The following LRBA variants were observed in gnomAD, a reference collection of about 807,000 sequenced individuals.
The protein encoded by LRBA is lipopolysaccharide-responsive and beige-like anchor protein.
In LRBA, 176 loss-of-function variants were observed where a neutral mutation model predicts 330.0. That is an observed-to-expected ratio of 0.53 (90% CI 0.47 to 0.60). The LOEUF is 0.60. Ranked by LOEUF, LRBA falls within the 20% of genes least tolerant of loss-of-function variation. The pLI is 0.00. For missense variants in LRBA, 3,259 were observed against 3,444.8 expected (o/e 0.95, Z 1.35); for synonymous variants, 1,230 against 1,193.0 (o/e 1.03, Z -0.64).
At chr4:150,671,602 C>G (rs573458916) in intron 37 of LRBA, among the ~76,000 whole-genome samples, 1 of 152,166 alleles carries the variant, frequency 6.6e-6, no homozygotes, top group African/African-American at 2.4e-5. Context: ...AAAGTACATA[C>G]AATTTCTCAT....
chr4:150,929,073 G>GC lies in LRBA; in HGVS notation c.217-9_217-8insG. On this transcript the variant is annotated splice_polypyrimidine_tract_variant and intron_variant, in intron 2 of 56. Coordinates refer to ENST00000651943, the MANE Select transcript of LRBA (RefSeq NM_001364905.1). ...AAACTGTCCTCCTACCAACTTACAA[G>GC]GAAAAAAAAAAAACACATTAAAAGC... 6.5e-7 allele frequency: 1 copy of GC among 1,538,236 alleles called. No homozygotes were observed. Among genetic ancestry groups the GC allele is most frequent in the Non-Finnish European group, 8.8e-7 (1 of 1,133,726 alleles).
chr4:150,846,687 G>A (rs1036878585), intron 26 of LRBA, among the ~76,000 whole-genome samples: 5 of 152,052 alleles, frequency 3.3e-5, no homozygotes, highest in East Asian at 1.9e-4. Context: ...ATCCATGTAT[G>A]TAACAAAATT....
At chr4:150,559,885 T>TAA (rs1393850541) in intron 40 of LRBA, among the ~76,000 whole-genome samples, 3 of 40,088 alleles carry the variant, frequency 7.5e-5, no homozygotes, top group South Asian at 1.6e-3. Flanking sequence ...TTATATATAA[T>TAA]TATATATAAT....
chr4:150,571,664 T>TTTTTTTTTTTTTTTTA, intron 40 of LRBA, among the ~76,000 whole-genome samples: 1 of 147,352 alleles, frequency 6.8e-6, no homozygotes, highest in Non-Finnish European at 1.5e-5. Flanking sequence ...TTTTTTTTTT[T>TTTTTTTTTTTTTTTTA]TTTTTTTTTT....
chr4:150,420,100 T>C (rs909405841), intron 46 of LRBA, among the ~76,000 whole-genome samples: 7 of 150,476 alleles, frequency 4.7e-5, no homozygotes, highest in Non-Finnish European at 3.0e-5. Context: ...TAGCCAGGTA[T>C]GGTGGCATGC....
intron 42 of LRBA, among the ~76,000 whole-genome samples, chr4:150,482,057 T>C (rs539762371): frequency 1.3e-5 from 2 of 152,222 alleles, no homozygotes; most frequent in South Asian, 2.1e-4. Flanking sequence ...ATAATTTACA[T>C]AGAGAAAAAT....
chr4:150,541,316 C>CA (rs1217388893), intron 40 of LRBA, among the ~76,000 whole-genome samples: 6 of 152,080 alleles, frequency 3.9e-5, no homozygotes, highest in African/African-American at 1.2e-4. Flanking sequence ...CTCTTGCTGG[C>CA]AAAAAATATA....
intron 53 of LRBA, 35 bp downstream of exon 53, chr4:150,302,590 T>C: frequency 6.5e-7 from 1 of 1,535,388 alleles, no homozygotes; most frequent in Non-Finnish European, 8.9e-7. Context: ...TCTACATCCT[T>C]GTAAAAGTTT....
intron 37 of LRBA, among the ~76,000 whole-genome samples, chr4:150,626,233 A>T (rs894286071): frequency 2.6e-5 from 4 of 152,144 alleles, no homozygotes; most frequent in African/African-American, 9.7e-5. Context: ...TTTTGGCTTT[A>T]AAGTTGTTTG....
chr4:150,623,814 C>CA (rs1339559828), intron 37 of LRBA, among the ~76,000 whole-genome samples: 1 of 151,862 alleles, frequency 6.6e-6, no homozygotes, highest in Non-Finnish European at 1.5e-5. Flanking sequence ...ATTTATCTAA[C>CA]AAAAATTTTA....
intron 29 of LRBA, 85 bp from the exon 30 acceptor site, chr4:150,828,706 T>G (rs1746657537): frequency 1.7e-6 from 2 of 1,159,474 alleles, no homozygotes. Context: ...TTAATAGCTA[T>G]CTACTGTTTT....
intron 37 of LRBA, among the ~76,000 whole-genome samples, chr4:150,653,647 G>GA: frequency 6.6e-6 from 1 of 152,190 alleles, no homozygotes; most frequent in East Asian, 1.9e-4. Flanking sequence ...GGCAAAGCAA[G>GA]AAAAAATACT....
At chr4:150,471,204 T>C (rs1459221321) in intron 43 of LRBA, among the ~76,000 whole-genome samples, 1 of 152,216 alleles carries the variant, frequency 6.6e-6, no homozygotes, top group Non-Finnish European at 1.5e-5. Context: ...CCCATCTTTG[T>C]ATGTTTGCTT....
chr4:150,587,226 A>G (rs1772219955), intron 40 of LRBA, among the ~76,000 whole-genome samples: 1 of 152,212 alleles, frequency 6.6e-6, no homozygotes, highest in African/African-American at 2.4e-5. Context: ...ACATGATTAC[A>G]AAATCAAAGA....
chr4:150,805,093 A>C (rs918419991), intron 33 of LRBA, among the ~76,000 whole-genome samples: 6 of 151,944 alleles, frequency 3.9e-5, no homozygotes, highest in African/African-American at 7.3e-5. Flanking sequence ...ATTTACGGTA[A>C]ATCTACTTTC....
intron 2 of LRBA, among the ~76,000 whole-genome samples, chr4:150,936,099 T>A (rs1167229307): frequency 2.0e-5 from 3 of 152,064 alleles, no homozygotes; most frequent in Non-Finnish European, 4.4e-5. Context: ...TAAATGAATT[T>A]AACTTTGTTT....
intron 5 of LRBA, among the ~76,000 whole-genome samples, chr4:150,917,080 G>A (rs1307996560): frequency 1.3e-5 from 2 of 151,714 alleles, no homozygotes; most frequent in Non-Finnish European, 2.9e-5. Context: ...GTGAACCCAG[G>A]AGGCAGAGTT....
chr4:150,698,371 A>T (rs1010544817), intron 36 of LRBA, among the ~76,000 whole-genome samples: 1 of 152,172 alleles, frequency 6.6e-6, no homozygotes, highest in Non-Finnish European at 1.5e-5. Context: ...TATATCTATG[A>T]GGGATATATT....
intron 37 of LRBA, among the ~76,000 whole-genome samples, chr4:150,677,761 G>T (rs759007104): frequency 6.7e-6 from 1 of 149,978 alleles, no homozygotes; most frequent in African/African-American, 2.5e-5. Context: ...CTATAATCAC[G>T]CCACTGCATC....
Sources: allele counts gnomAD v4.1 joint callset (sites outside exome capture counted in the v4.1 genomes callset), GRCh38; gene constraint gnomAD v4.1.1; transcripts MANE v1.5; gene names NCBI Gene and HGNC (gene_info 2026-07-23, HGNC 2026-07-21).